SPEF2: variants seen among roughly 807,000 people sequenced by gnomAD.
The protein encoded by SPEF2 is sperm flagella and cilia-associated protein 2.
In SPEF2, 187 loss-of-function variants were observed where a neutral mutation model predicts 224.6. The observed-to-expected ratio is 0.83, with a 90% confidence interval of 0.74 to 0.94. The LOEUF (loss-of-function observed/expected upper bound fraction) is 0.94. Among genes scored for constraint, SPEF2 ranks in the 40% least tolerant of loss-of-function variants. The pLI is 0.00. For missense variants in SPEF2, 2,170 were observed against 2,135.6 expected (o/e 1.02, Z -0.32); for synonymous variants, 715 against 707.3 (o/e 1.01, Z -0.17).
chr5:35,789,422 C>T (rs1430343438), intron 30 of SPEF2: 3 of 689,268 alleles, frequency 4.4e-6, no homozygotes, highest in South Asian at 3.1e-5. Flanking sequence ...GACAGTTTGA[C>T]TTGCGAAATT....
intron 6 of SPEF2, among the ~76,000 whole-genome samples, 196 bp downstream of exon 6, chr5:35,649,621 GAA>G (rs904870410): frequency 1.4e-4 from 21 of 152,346 alleles, no homozygotes; most frequent in African/African-American, 4.6e-4. Flanking sequence ...ATATCTGAGA[GAA>G]AGAGACTATT....
chr5:35,750,377 T>C (rs934494777), intron 23 of SPEF2, among the ~76,000 whole-genome samples: 1 of 152,040 alleles, frequency 6.6e-6, no homozygotes, highest in Non-Finnish European at 1.5e-5. Context: ...CAAACAACTT[T>C]TGCACGGCAC....
At position 35,763,529 on chromosome 5, in the gene SPEF2, C is replaced by G. The variant is rs376923306; in HGVS notation, c.3628C>G (p.Leu1210Val). The change falls in exon 26 of 37, where the codon CTA (leucine) becomes GTA (valine). Residue 1210 changes from leucine to valine, a missense_variant. By Grantham distance (32) the Leu-to-Val change is conservative (BLOSUM62 1). Transcript: ENST00000356031. ...CTTGTTTGTTTCTCAAAGAATTCCTCTAGTTCCTCGAATATCCATTTCTCT... is the reference window on the plus strand; with the variant it reads ...CTTGTTTGTTTCTCAAAGAATTCCTGTAGTTCCTCGAATATCCATTTCTCT... ...DNSESQLRIP[L>V]VPRISISLET... The G allele has an allele frequency of 2.8e-5, 44 of 1,575,122 alleles. No homozygotes were observed. The highest frequency in any genetic ancestry group is 3.8e-5 in the Non-Finnish European group (44 of 1,165,744).
intron 16 of SPEF2, 73 bp downstream of exon 16, chr5:35,700,825 C>A: frequency 1.4e-6 from 2 of 1,464,286 alleles, no homozygotes; most frequent in South Asian, 2.5e-5. Flanking sequence ...TGAATACTCC[C>A]ATTTACAATT....
intron 23 of SPEF2, among the ~76,000 whole-genome samples, chr5:35,746,523 T>G (rs991810093): frequency 1.3e-5 from 2 of 152,114 alleles, no homozygotes; most frequent in Non-Finnish European, 2.9e-5. Flanking sequence ...AAACCTGAAA[T>G]GTTCTGGAAA....
chr5:35,633,469 A>G (rs1407948059), intron 2 of SPEF2, among the ~76,000 whole-genome samples: 1 of 151,764 alleles, frequency 6.6e-6, no homozygotes, highest in Non-Finnish European at 1.5e-5. Flanking sequence ...TTTGGTTATT[A>G]TTTGCTTGAT....
Position 35,788,409 on chromosome 5 carries a change from G to A in SPEF2, c.4448-3931G>A, listed in dbSNP as rs527405217. On this transcript the variant is annotated intron_variant, in intron 30 of 36. Transcript: ENST00000356031. ...ACATACTTTATTGCTGAAGTAGAACGAAAAAATCTAAGAGAGAAATTAGAA... is the reference window on the plus strand; with the variant it reads ...ACATACTTTATTGCTGAAGTAGAACAAAAAAATCTAAGAGAGAAATTAGAA... 2.0e-4 allele frequency: 141 copies of A among 701,844 alleles called. 2 individuals are homozygous for A. The highest frequency in any genetic ancestry group is 8.0e-4 in the South Asian group (54 of 67,330). 43.5% of individuals were successfully genotyped at this position (701,844 alleles called of 1,614,324 possible). A position where few individuals can be genotyped will look rare whatever the true frequency, so the allele number is the denominator to read the frequency against.
intron 10 of SPEF2, among the ~76,000 whole-genome samples, chr5:35,674,470 G>A (rs1415921220): frequency 2.7e-5 from 4 of 148,628 alleles, no homozygotes; most frequent in Non-Finnish European, 1.5e-5. Flanking sequence ...TTGGTGTGCT[G>A]TACCCATTAA....
intron 20 of SPEF2, among the ~76,000 whole-genome samples, chr5:35,719,552 G>A (rs921548849): frequency 6.6e-6 from 1 of 152,100 alleles, no homozygotes; most frequent in African/African-American, 2.4e-5. Context: ...ATACCTGTGA[G>A]GTGGGTGGCC....
At chr5:35,757,159 A>G (rs1750583802) in intron 24 of SPEF2, among the ~76,000 whole-genome samples, 1 of 152,198 alleles carries the variant, frequency 6.6e-6, no homozygotes, top group South Asian at 2.1e-4. Context: ...ATTGTTTACT[A>G]GTTATCATAA....
In SPEF2 at chr5:35,806,889, A is replaced by G; in HGVS notation, c.5193A>G (p.Gly1731=). 6.2e-7 allele frequency: 1 copy of G among 1,614,062 alleles called. No individual in the cohort carries two copies. Among genetic ancestry groups the G allele is most frequent in the South Asian group, 1.1e-5 (1 of 91,020 alleles). ...CACTACTCAAAGTGTTCAAAGGGGG[A>G]AGTGAAGCACAGGACTCCAATAGAT... ...METLLKVFKG[G]SEAQDSNRFA... The change falls in exon 35 of 37, where the codon GGA becomes GGG. Residue 1731 remains glycine (G), a synonymous_variant. Coordinates refer to ENST00000356031, the MANE Select transcript of SPEF2 (RefSeq NM_024867.4).
At chr5:35,768,511 CTA>C (rs1371292775) in intron 26 of SPEF2, among the ~76,000 whole-genome samples, 1 of 151,994 alleles carries the variant, frequency 6.6e-6, no homozygotes, top group African/African-American at 2.4e-5. Flanking sequence ...ATTCTTTAGG[CTA>C]TATCTATAAT....
At chr5:35,799,421 G>A (rs1320521076) in intron 33 of SPEF2, among the ~76,000 whole-genome samples, 3 of 152,200 alleles carry the variant, frequency 2.0e-5, no homozygotes, top group Non-Finnish European at 2.9e-5. Flanking sequence ...TTGATATTTG[G>A]TGTTTAGTAT....
chr5:35,793,135 A>G, intron 31 of SPEF2, 24 bp from the exon 32 acceptor site: 1 of 1,604,034 alleles, frequency 6.2e-7, no homozygotes, highest in Non-Finnish European at 8.5e-7. Flanking sequence ...AGATATTCCA[A>G]AGATATTTCC....
intron 17 of SPEF2, 131 bp downstream of exon 17, chr5:35,704,793 T>A: frequency 3.2e-6 from 2 of 626,732 alleles, no homozygotes; most frequent in Non-Finnish European, 5.6e-6. Context: ...AAAAGAAGAC[T>A]AAGTAGTTTT....
chr5:35,756,816 A>G (rs571129680), intron 24 of SPEF2, among the ~76,000 whole-genome samples: 1 of 152,320 alleles, frequency 6.6e-6, no homozygotes, highest in South Asian at 2.1e-4. Flanking sequence ...GTGTATCGAC[A>G]TATTTAGACA....
At chr5:35,769,780 C>A (rs576893954) in intron 26 of SPEF2, among the ~76,000 whole-genome samples, 242 of 152,132 alleles carry the variant, frequency 1.6e-3, no homozygotes, top group South Asian at 8.8e-3. Flanking sequence ...GTCTATCTCA[C>A]CCACAAAACT....
chr5:35,677,090 C>T (rs1302402080), intron 10 of SPEF2, among the ~76,000 whole-genome samples: 1 of 152,044 alleles, frequency 6.6e-6, no homozygotes, highest in Admixed American at 6.5e-5. Flanking sequence ...GAGGGTATTC[C>T]GTGTGGAAAA....
Position 35,751,118 on chromosome 5 carries a change from T to TGA in SPEF2, c.3331-2505_3331-2504dup, listed in dbSNP as rs59233914. Among the ~76,000 whole-genome samples the TGA allele has an allele frequency of 9.3e-4, 82 of 87,874 alleles. 2 individuals are homozygous for TGA. The highest frequency in any genetic ancestry group is 3.3e-3 in the African/African-American group (80 of 23,948). The allele number at this position is 87,874 out of a possible 152,430, so 57.6% of individuals were successfully genotyped here. A position where few individuals can be genotyped will look rare whatever the true frequency, so the allele number is the denominator to read the frequency against. ...ACACATATATATATATATATATATA[T>TGA]GATGGAATGCTACTCAGCCATAAAA... On this transcript the variant is annotated intron_variant, in intron 23 of 36. Transcript: ENST00000356031.
Sources: allele counts gnomAD v4.1 joint callset (sites outside exome capture counted in the v4.1 genomes callset), GRCh38; gene constraint gnomAD v4.1.1; transcripts MANE v1.5; gene names NCBI Gene and HGNC (gene_info 2026-07-23, HGNC 2026-07-21).